SFSWAP: variants seen among roughly 807,000 people sequenced by gnomAD.
SFSWAP encodes the protein splicing factor SWAP.
In SFSWAP, 17 loss-of-function variants were observed where a neutral mutation model predicts 100.7. The ratio of observed to expected loss-of-function variants is 0.17; its 90% CI spans 0.12 to 0.25. The LOEUF (loss-of-function observed/expected upper bound fraction) is 0.25, where lower values mean the gene tolerates loss of function less well. SFSWAP is among the 10% of genes least tolerant of loss of function. The pLI is 1.00. For synonymous variants in SFSWAP, 504 were observed against 510.1 expected, an observed-to-expected ratio of 0.99 and a Z score of 0.16; for missense variants, 1,005 against 1,262.6, an observed-to-expected ratio of 0.80 and a Z score of 3.09.
At chr12:131,782,757 G>A (rs928457100) in intron 14 of SFSWAP, among the ~76,000 whole-genome samples, 8 of 152,310 alleles carry the variant, frequency 5.3e-5, no homozygotes, top group Non-Finnish European at 1.0e-4. Context: ...TATTTAGTAT[G>A]TCTAAGTTAT....
At chr12:131,780,432 C>G (rs1884406233) in intron 14 of SFSWAP, among the ~76,000 whole-genome samples, 2 of 152,180 alleles carry the variant, frequency 1.3e-5, no homozygotes, top group South Asian at 4.1e-4. Context: ...GAGAGGATCA[C>G]TTTGAGGCCT....
intron 13 of SFSWAP, among the ~76,000 whole-genome samples, chr12:131,773,434 G>A (rs533992869): frequency 1.3e-5 from 2 of 151,798 alleles, no homozygotes; most frequent in South Asian, 2.1e-4. Flanking sequence ...TGACCTCCCG[G>A]CCTGAAGCAC....
At chr12:131,732,461 G>C (rs890501737) in intron 7 of SFSWAP, among the ~76,000 whole-genome samples, 4 of 152,152 alleles carry the variant, frequency 2.6e-5, no homozygotes, top group African/African-American at 9.7e-5. Flanking sequence ...TATGAGGTTG[G>C]TGGGCTATTT....
At chr12:131,768,172 A>G (rs1438031246) in intron 13 of SFSWAP, among the ~76,000 whole-genome samples, 3 of 152,220 alleles carry the variant, frequency 2.0e-5, no homozygotes, top group Non-Finnish European at 2.9e-5. Context: ...TCTCCTGGGA[A>G]ACACAGCACT....
intron 1 of SFSWAP, chr12:131,712,765 A>C (rs185506059): frequency 1.1e-4 from 16 of 152,272 alleles, no homozygotes; most frequent in Non-Finnish European, 2.1e-4. Context: ...GTTTATATTG[A>C]ATGTGTCGCC....
intron 3 of SFSWAP, among the ~76,000 whole-genome samples, chr12:131,715,287 T>C (rs1384037241): frequency 6.6e-6 from 1 of 152,184 alleles, no homozygotes; most frequent in Middle Eastern, 3.2e-3. Flanking sequence ...GAATAGGTGT[T>C]AACTGGGATA....
chr12:131,779,292 T>TGTGTGAAGAGGGCGGCGCGGGTGAGC (rs1884306592), intron 14 of SFSWAP, among the ~76,000 whole-genome samples: 1 of 66,246 alleles, frequency 1.5e-5, no homozygotes, highest in Non-Finnish European at 3.4e-5. Flanking sequence ...CGCGGGTGGG[T>TGTGTGAAGAGGGCGGCGCGGGTGAGC]GTGTGTGAAG....
chr12:131,755,661 T>C (rs2136226783), intron 10 of SFSWAP, among the ~76,000 whole-genome samples, 182 bp downstream of exon 10: 1 of 152,310 alleles, frequency 6.6e-6, no homozygotes, highest in South Asian at 2.1e-4. Flanking sequence ...ACCTGATCTG[T>C]TGAAAGCATC....
intron 4 of SFSWAP, among the ~76,000 whole-genome samples, chr12:131,722,555 G>A (rs543700375): frequency 6.6e-6 from 1 of 152,296 alleles, no homozygotes; most frequent in Non-Finnish European, 1.5e-5. Flanking sequence ...TTATTCTGTT[G>A]ATGAATAATA....
rs1881964201 is a variant in SFSWAP, at chr12:131,754,488, G to A, written c.1443G>A (p.Lys481=). The change falls in exon 9 of 18, where the codon AAG becomes AAA. Residue 481 remains lysine, a synonymous_variant. Transcript: ENST00000261674. ...AGTTCGAGACCAGTGTTCGTGCCAA[G>A]AATGATCAAAGGTCAGAAGAAGAAT... ...GLKFETSVRA[K]NDQRFEFLQP... is the part of the protein sequence containing the mutation. 3.1e-6 allele frequency: 5 copies of A among 1,590,288 alleles called. No individual in the cohort carries two copies. The highest frequency in any genetic ancestry group is 1.8e-5 in the Admixed American group (1 of 55,068).
intron 13 of SFSWAP, among the ~76,000 whole-genome samples, chr12:131,773,073 TA>T (rs1385827588): frequency 1.3e-5 from 2 of 152,126 alleles, no homozygotes; most frequent in Non-Finnish European, 2.9e-5. Flanking sequence ...GGGCACAGGA[TA>T]GGGGGCAGAG....
chr12:131,779,285 G>A (rs1054685183), intron 14 of SFSWAP, among the ~76,000 whole-genome samples: 20 of 150,754 alleles, frequency 1.3e-4, no homozygotes, highest in African/African-American at 2.4e-4. Flanking sequence ...AGGGCGGCGC[G>A]GGTGGGTGTG....
At position 131,733,493 on chromosome 12, in the gene SFSWAP, T is replaced by C. The variant is rs1440630744; in HGVS notation, c.1081+5065T>C. Reference sequence around the variant, plus strand: ...GACGCTGCCTGCACTGCCCCACCGCTCAGAGGGCCACAGGAGCAGGGCTTC... The same window carrying C: ...GACGCTGCCTGCACTGCCCCACCGCCCAGAGGGCCACAGGAGCAGGGCTTC... On this transcript the variant is annotated intron_variant, in intron 7 of 17. Coordinates refer to ENST00000261674, the MANE Select transcript of SFSWAP (RefSeq NM_004592.4). This position sits in a 1 kb window ranked among gnomAD's most constrained non-coding sequence, Gnocchi z 5.1. 6.6e-6 allele frequency among the ~76,000 whole-genome samples: 1 copy of C among 151,742 alleles called. No individual in the cohort carries two copies. Among genetic ancestry groups the C allele is most frequent in the Non-Finnish European group, 1.5e-5 (1 of 67,978 alleles).
intron 13 of SFSWAP, among the ~76,000 whole-genome samples, chr12:131,774,569 T>A (rs74940150): frequency 0.016 from 2,480 of 152,326 alleles, 25 homozygotes; most frequent in Non-Finnish European, 0.024. Context: ...TGACTTCCGT[T>A]TTGATCATTT....
intron 1 of SFSWAP, 119 bp from the exon 2 acceptor site, chr12:131,713,952 T>G: frequency 1.8e-6 from 1 of 563,190 alleles, no homozygotes; most frequent in Non-Finnish European, 2.8e-6. Flanking sequence ...TTTAATATTT[T>G]TGTTTATTTT....
At chr12:131,749,343 C>T (rs1881414506) in intron 7 of SFSWAP, among the ~76,000 whole-genome samples, 2 of 152,224 alleles carry the variant, frequency 1.3e-5, no homozygotes, top group South Asian at 4.1e-4. Flanking sequence ...GTGCCCTCCC[C>T]CGTTCATGAC....
At chr12:131,712,003 T>A (rs1209566996) in intron 1 of SFSWAP, 1 of 152,538 alleles carries the variant, frequency 6.6e-6, no homozygotes, top group Non-Finnish European at 1.5e-5. Flanking sequence ...GCCCGTACTT[T>A]GCCGGCATGA....
chr12:131,725,281 C>T lies in SFSWAP; in HGVS notation c.607-124C>T. ...GTCCGAACAGCCTGGGCTCTTCCAG[C>T]TTAAAGTCTCGTATCTCTTAAAATT... On this transcript the variant is annotated intron_variant, in intron 4 of 17. Transcript: ENST00000261674. This position sits in a 1 kb window ranked among gnomAD's most constrained non-coding sequence, Gnocchi z 4.3. 1 of 822,206 alleles carries T rather than the reference C, an allele frequency of 1.2e-6. No homozygotes were observed. The highest frequency in any genetic ancestry group is 2.0e-6 in the Non-Finnish European group (1 of 503,072). The allele number at this position is 822,206 out of a possible 1,614,324, so 50.9% of individuals were successfully genotyped here. A position where few individuals can be genotyped will look rare whatever the true frequency, so the allele number is the denominator to read the frequency against.
chr12:131,777,038 T>C (rs920672562), intron 13 of SFSWAP, among the ~76,000 whole-genome samples: 1 of 152,224 alleles, frequency 6.6e-6, no homozygotes, highest in African/African-American at 2.4e-5. Context: ...TCTTTAAAAA[T>C]TATTGTCAGA....
Sources: gnomAD v4.1 joint callset for allele counts (sites outside exome capture counted in the v4.1 genomes callset) on GRCh38, gnomAD v4.1.1 for gene constraint, Gnocchi (gnomAD v3.1) non-coding constraint, MANE v1.5 for transcripts, NCBI Gene and HGNC (gene_info 2026-07-23, HGNC 2026-07-21) for gene names.